The following DPP10 variants were observed in gnomAD, a reference collection of about 807,000 sequenced individuals.
The protein encoded by DPP10 is inactive dipeptidyl peptidase 10.
A neutral mutation model predicts 120.9 loss-of-function variants in DPP10; 33 were observed. The ratio of observed to expected loss-of-function variants is 0.27; its 90% confidence interval spans 0.21 to 0.37. DPP10 has a LOEUF of 0.37. Ranked by LOEUF, DPP10 falls within the 10% of genes least tolerant of loss-of-function variation. The pLI is 1.00. For missense variants in DPP10, 816 were observed against 942.8 expected, an observed-to-expected ratio of 0.87 and a Z score of 1.76; for synonymous variants, 337 against 326.1, an observed-to-expected ratio of 1.03 and a Z score of -0.36.
chr2:114,648,574 G>A (rs1277270061), intron 1 of DPP10, among the ~76,000 whole-genome samples: 1 of 152,158 alleles, frequency 6.6e-6, no homozygotes, highest in Non-Finnish European at 1.5e-5. Context: ...AGAATGGGCA[G>A]GACAGACATA....
At chr2:114,489,799 A>G (rs1407840713) in intron 1 of DPP10, among the ~76,000 whole-genome samples, 1 of 152,170 alleles carries the variant, frequency 6.6e-6, no homozygotes, top group African/African-American at 2.4e-5. Context: ...ACATAAGCCT[A>G]GGGGCACTTA....
chr2:114,876,266 T>A (rs2106580348), intron 1 of DPP10, among the ~76,000 whole-genome samples: 1 of 152,218 alleles, frequency 6.6e-6, no homozygotes, highest in Admixed American at 6.5e-5. Context: ...TATAATGGCA[T>A]CACCAGCAGA....
intron 1 of DPP10, among the ~76,000 whole-genome samples, chr2:114,958,644 A>T (rs1181870326): frequency 2.0e-5 from 3 of 152,288 alleles, no homozygotes; most frequent in African/African-American, 7.2e-5. Context: ...CCCCCAAAAT[A>T]TTTACAATTA....
At chr2:114,452,843 T>G (rs1311642634) in intron 1 of DPP10, among the ~76,000 whole-genome samples, 4 of 152,190 alleles carry the variant, frequency 2.6e-5, no homozygotes, top group Non-Finnish European at 5.9e-5. Context: ...CAAACTAACT[T>G]CTGCCATGGT....
intron 3 of DPP10, among the ~76,000 whole-genome samples, chr2:115,405,825 G>A (rs1442437245): frequency 6.6e-6 from 1 of 152,196 alleles, no homozygotes; most frequent in Non-Finnish European, 1.5e-5. Flanking sequence ...AGAGAATCCT[G>A]AGGAGTGTGC....
intron 1 of DPP10, among the ~76,000 whole-genome samples, chr2:114,891,230 AAG>A (rs1021970200): frequency 6.6e-6 from 1 of 152,200 alleles, no homozygotes; most frequent in African/African-American, 2.4e-5. Context: ...TGAGTAGAGA[AAG>A]AGACTAGCGT....
intron 1 of DPP10, among the ~76,000 whole-genome samples, chr2:114,947,771 C>T (rs535244854): frequency 2.5e-4 from 38 of 152,030 alleles, no homozygotes; most frequent in Non-Finnish European, 4.7e-4. Context: ...GATAGATACA[C>T]ATTTTAAGTT....
At chr2:115,709,587 A>C (rs1345714032) in intron 7 of DPP10, among the ~76,000 whole-genome samples, 1 of 149,280 alleles carries the variant, frequency 6.7e-6, no homozygotes, top group Non-Finnish European at 1.5e-5. Context: ...AAAAAGAAGA[A>C]AATGGACACT....
chr2:115,689,028 CA>C (rs1233904168), intron 5 of DPP10, among the ~76,000 whole-genome samples: 2 of 152,028 alleles, frequency 1.3e-5, no homozygotes, highest in Non-Finnish European at 2.9e-5. Flanking sequence ...GTGGAGGATG[CA>C]AAGGTAATAG....
intron 1 of DPP10, among the ~76,000 whole-genome samples, chr2:115,181,948 C>T (rs1207422210): frequency 6.6e-6 from 1 of 152,116 alleles, no homozygotes; most frequent in Non-Finnish European, 1.5e-5. Context: ...TCAACACATA[C>T]CGTTAGCCAT....
intron 1 of DPP10, among the ~76,000 whole-genome samples, chr2:114,924,564 G>T (rs1695456219): frequency 6.6e-6 from 1 of 151,308 alleles, no homozygotes; most frequent in African/African-American, 2.4e-5. Context: ...GGAAAAAAAA[G>T]CCCTTAGGGG....
At chr2:114,493,990 C>T (rs996870472) in intron 1 of DPP10, among the ~76,000 whole-genome samples, 26 of 148,666 alleles carry the variant, frequency 1.7e-4, no homozygotes, top group African/African-American at 6.4e-4. Context: ...TCTGTGAGCT[C>T]AAGAACATTG....
chr2:115,814,531 T>A (rs1687009571), intron 19 of DPP10: 1 of 255,802 alleles, frequency 3.9e-6, no homozygotes, highest in Admixed American at 5.4e-5. Flanking sequence ...CATTGAGAAA[T>A]GAGCTAAACT....
chr2:114,782,913 G>C (rs1469440673), intron 1 of DPP10, among the ~76,000 whole-genome samples: 1 of 152,046 alleles, frequency 6.6e-6, no homozygotes, highest in Non-Finnish European at 1.5e-5. Flanking sequence ...GTTACAAAAA[G>C]AGGCAGGTAG....
At chr2:115,499,116 G>T (rs2076552634) in intron 3 of DPP10, among the ~76,000 whole-genome samples, 1 of 152,062 alleles carries the variant, frequency 6.6e-6, no homozygotes, top group Admixed American at 6.6e-5. Flanking sequence ...AACTGTTAGA[G>T]TTACAGTCAA....
intron 1 of DPP10, among the ~76,000 whole-genome samples, chr2:115,037,015 C>T (rs1298947506): frequency 6.6e-6 from 1 of 152,090 alleles, no homozygotes; most frequent in African/African-American, 2.4e-5. Context: ...TGTCATTCCT[C>T]TCACTTTTTA....
At chr2:114,952,602 C>A (rs72832495) in intron 1 of DPP10, among the ~76,000 whole-genome samples, 26,648 of 151,328 alleles carry the variant, frequency 0.18, 2,649 homozygotes, top group Non-Finnish European at 0.22. Flanking sequence ...ATAGAAAAAT[C>A]TGGCCCTAAA....
At chr2:114,888,546 C>T (rs1049064383) in intron 1 of DPP10, among the ~76,000 whole-genome samples, 11 of 152,044 alleles carry the variant, frequency 7.2e-5, no homozygotes, top group African/African-American at 2.7e-4. Flanking sequence ...TTCCAGTTAA[C>T]ACAAAGAATT....
intron 1 of DPP10, among the ~76,000 whole-genome samples, chr2:115,180,753 A>T (rs866221385): frequency 9.2e-5 from 14 of 152,182 alleles, no homozygotes; most frequent in African/African-American, 3.4e-4. Flanking sequence ...TGCTCCAAGG[A>T]AATGTTTCTA....
Sources: allele counts gnomAD v4.1 joint callset (sites outside exome capture counted in the v4.1 genomes callset), GRCh38; gene constraint gnomAD v4.1.1; transcripts MANE v1.5; gene names NCBI Gene and HGNC (gene_info 2026-07-23, HGNC 2026-07-21).